Variants in DPYS observed in about 807,000 individuals in gnomAD.
The protein encoded by DPYS is dihydropyrimidine amidohydrolase.
DPYS carries 39 observed loss-of-function variants against 50.3 expected under a neutral mutation model. The ratio of observed to expected loss-of-function variants is 0.78; its 90% CI spans 0.60 to 1.01. The LOEUF (loss-of-function observed/expected upper bound fraction) is 1.01, where lower values mean the gene tolerates loss of function less well. Ranked by LOEUF, DPYS falls within the 50% of genes least tolerant of loss-of-function variation. DPYS has a pLI of 0.00. For missense variants in DPYS, 659 were observed against 680.9 expected (o/e 0.97, Z 0.36); for synonymous variants, 245 against 250.7 (o/e 0.98, Z 0.22).
At chr8:104,422,955 C>T (rs1319581180) in intron 7 of DPYS, among the ~76,000 whole-genome samples, 1 of 152,188 alleles carries the variant, frequency 6.6e-6, no homozygotes, top group Non-Finnish European at 1.5e-5. Context: ...TTTCCATTGC[C>T]TTTCCAAGCA....
chr8:104,446,728 A>G (rs1813542507), intron 3 of DPYS, among the ~76,000 whole-genome samples: 1 of 152,134 alleles, frequency 6.6e-6, no homozygotes, highest in Admixed American at 6.6e-5. Context: ...GAGCCTAAGG[A>G]GATTAAAAAA....
chr8:104,398,371 C>T (rs73291236), intron 7 of DPYS, among the ~76,000 whole-genome samples: 3,188 of 152,304 alleles, frequency 0.021, 104 homozygotes, highest in African/African-American at 0.07. Flanking sequence ...GGAGCAGGAG[C>T]AGAGCTCTCC....
intron 3 of DPYS, 110 bp from the exon 4 acceptor site, chr8:104,444,547 T>C: frequency 8.3e-7 from 1 of 1,202,374 alleles, no homozygotes; most frequent in Non-Finnish European, 1.2e-6. Context: ...CTGTTAGGTA[T>C]AGGGGTGTGT....
intron 1 of DPYS, among the ~76,000 whole-genome samples, chr8:104,454,117 G>T (rs1813848517): frequency 6.6e-6 from 1 of 152,192 alleles, no homozygotes. Context: ...TGGGCATGGT[G>T]GCTGACGCCT....
intron 4 of DPYS, among the ~76,000 whole-genome samples, chr8:104,440,727 C>T (rs915661058): frequency 3.2e-4 from 49 of 151,850 alleles, no homozygotes; most frequent in African/African-American, 1.1e-3. Context: ...ACACTGCACT[C>T]CAGCCTGGGT....
intron 7 of DPYS, among the ~76,000 whole-genome samples, chr8:104,423,321 G>C (rs1395807533): frequency 6.6e-6 from 1 of 152,124 alleles, no homozygotes; most frequent in Non-Finnish European, 1.5e-5. Context: ...AAAAAACAAG[G>C]ATTTCCTATA....
At chr8:104,415,435 TA>T (rs1812331705) in intron 7 of DPYS, among the ~76,000 whole-genome samples, 1 of 152,240 alleles carries the variant, frequency 6.6e-6, no homozygotes, top group Non-Finnish European at 1.5e-5. Context: ...TTATTAGTAG[TA>T]AAGTCCCTAG....
In DPYS at chr8:104,381,301, G is replaced by A. The variant is rs771626384; in HGVS notation, c.1457C>T (p.Thr486Ile). ...CTTATAGGGTGCACGCTCCACAGGGGTAGGTGTGCAAGTCTGAAAGAGAAC... is the reference window on the plus strand; with the variant it reads ...CTTATAGGGTGCACGCTCCACAGGGATAGGTGTGCAAGTCTGAAAGAGAAC... ...IKQRDRTCTP[T>I]PVERAPYKGE... is the part of the protein sequence containing the mutation. The change falls in exon 9 of 10, where the codon ACC (threonine) becomes ATC (isoleucine). Residue 486 changes from threonine (T) to isoleucine (I), a missense_variant. Coordinates refer to ENST00000351513, the MANE Select transcript of DPYS (RefSeq NM_001385.3). 4.3e-6 allele frequency: 7 copies of A among 1,614,050 alleles called. No individual in the cohort carries two copies. The highest frequency in any genetic ancestry group is 3.3e-4 in the Middle Eastern group (2 of 6,062).
intron 4 of DPYS, among the ~76,000 whole-genome samples, chr8:104,442,228 T>G (rs1813378845): frequency 6.6e-6 from 1 of 152,192 alleles, no homozygotes; most frequent in Non-Finnish European, 1.5e-5. Flanking sequence ...ATGTCTGTAT[T>G]TACTAGTTTT....
chr8:104,386,541 AG>A (rs1237767608), intron 8 of DPYS, among the ~76,000 whole-genome samples: 1 of 150,778 alleles, frequency 6.6e-6, no homozygotes, highest in Non-Finnish European at 1.5e-5. Flanking sequence ...AAAAAAAAAA[AG>A]AAAAGAAAAA....
At chr8:104,384,656 C>A (rs1811156410) in intron 8 of DPYS, among the ~76,000 whole-genome samples, 1 of 152,232 alleles carries the variant, frequency 6.6e-6, no homozygotes, top group African/African-American at 2.4e-5. Flanking sequence ...GTAGTTGACA[C>A]TAGCAGTCAG....
chr8:104,420,393 A>G (rs1021612227), intron 7 of DPYS: 8 of 152,294 alleles, frequency 5.3e-5, no homozygotes, highest in African/African-American at 1.9e-4. Context: ...AGGGCTCAGC[A>G]TACAGTTTCT....
chr8:104,445,617 C>G (rs1017475410), intron 3 of DPYS, among the ~76,000 whole-genome samples: 6 of 151,008 alleles, frequency 4.0e-5, no homozygotes, highest in African/African-American at 1.5e-4. Context: ...TTACTAGAGG[C>G]TGGGAAGGTT....
At chr8:104,461,291 CAATAAAATAAAATAA>C (rs5893688) in intron 1 of DPYS, among the ~76,000 whole-genome samples, 92 of 110,270 alleles carry the variant, frequency 8.3e-4, no homozygotes, top group African/African-American at 2.8e-3. Context: ...GACCCTGTCT[CAATAAAATAAAATAA>C]AATAAAATAA....
At chr8:104,380,234 T>A (rs1052415081) in intron 9 of DPYS, among the ~76,000 whole-genome samples, 1 of 152,198 alleles carries the variant, frequency 6.6e-6, no homozygotes, top group African/African-American at 2.4e-5. Flanking sequence ...TAAGAGGTTG[T>A]CAAAATGTGA....
At chr8:104,408,601 G>A (rs1812072778) in intron 7 of DPYS, among the ~76,000 whole-genome samples, 1 of 151,956 alleles carries the variant, frequency 6.6e-6, no homozygotes, top group Non-Finnish European at 1.5e-5. Flanking sequence ...CCATTCAACG[G>A]AAAAACAAGA....
chr8:104,401,463 T>C (rs1309915756), intron 7 of DPYS, among the ~76,000 whole-genome samples: 1 of 152,002 alleles, frequency 6.6e-6, no homozygotes, highest in Non-Finnish European at 1.5e-5. Context: ...GCTTCAGAGG[T>C]TGTGCTCTTA....
intron 2 of DPYS, among the ~76,000 whole-genome samples, chr8:104,449,727 A>G (rs919597461): frequency 6.6e-6 from 1 of 152,230 alleles, no homozygotes; most frequent in African/African-American, 2.4e-5. Flanking sequence ...AGAGATTGGG[A>G]TGATGCTTCT....
chr8:104,408,752 C>T (rs1387456137), intron 7 of DPYS, among the ~76,000 whole-genome samples: 1 of 151,784 alleles, frequency 6.6e-6, no homozygotes, highest in African/African-American at 2.4e-5. Context: ...TGCTGTCAGA[C>T]AGAGTGCCTT....
Sources: allele counts gnomAD v4.1 joint callset (sites outside exome capture counted in the v4.1 genomes callset), GRCh38; gene constraint gnomAD v4.1.1; transcripts MANE v1.5; gene names NCBI Gene and HGNC (gene_info 2026-07-23, HGNC 2026-07-21).